ZFP90: variants seen among roughly 807,000 people sequenced by gnomAD.
The protein encoded by ZFP90 is zinc finger protein 90 homolog.
Under a neutral mutation model 60.8 loss-of-function variants are expected in ZFP90, and 38 were observed. The observed-to-expected ratio is 0.62, with a 90% CI of 0.48 to 0.82. ZFP90 has a LOEUF of 0.82. ZFP90 is among the 40% of genes least tolerant of loss of function. ZFP90 has a pLI of 0.00. For missense variants in ZFP90, 711 were observed against 759.1 expected, an observed-to-expected ratio of 0.94 and a Z score of 0.74; for synonymous variants, 287 against 264.8, an observed-to-expected ratio of 1.08 and a Z score of -0.82.
upstream of ZFP90, among the ~76,000 whole-genome samples, chr16:68,534,503 C>T (rs1467309482): frequency 6.6e-6 from 1 of 151,006 alleles, no homozygotes; most frequent in East Asian, 2.0e-4. Context: ...GCTAGGATTA[C>T]AGGCGTGAGC....
In ZFP90 at chr16:68,564,704, G is replaced by A. The variant is rs377716008; in HGVS notation, c.*6G>A. 12 of 1,583,872 alleles carry A rather than the reference G, an allele frequency of 7.6e-6. No homozygotes were observed. Among genetic ancestry groups the A allele is most frequent in the South Asian group, 3.5e-5 (3 of 85,580 alleles). On this transcript the variant is annotated 3_prime_UTR_variant, in exon 5 of 5. Coordinates refer to ENST00000563169, the MANE Select transcript of ZFP90 (RefSeq NM_001305203.2). ...ATACTCGAAATAAACTCTAGGAACC[G>A]TGAAATTAAGGAATTTGCAGAATGC...
At chr16:68,551,521 A>C (rs1281330644) in intron 2 of ZFP90, among the ~76,000 whole-genome samples, 1 of 148,242 alleles carries the variant, frequency 6.7e-6, no homozygotes, top group Non-Finnish European at 1.5e-5. Flanking sequence ...TCCTGGGTTC[A>C]AGCAATTCTC....
At chr16:68,538,952 GAAGT>G (rs577423049), upstream of ZFP90, among the ~76,000 whole-genome samples, 284 of 152,336 alleles carry the variant, frequency 1.9e-3, no homozygotes, top group African/African-American at 6.7e-3. Flanking sequence ...TCTTACCGCT[GAAGT>G]CAGGACCTGA....
downstream of ZFP90, among the ~76,000 whole-genome samples, chr16:68,568,028 ACT>A (rs1180177975): frequency 2.0e-5 from 3 of 151,794 alleles, no homozygotes; most frequent in Non-Finnish European, 2.9e-5. Context: ...GGTTTTGCTG[ACT>A]CTCCTATTTC....
At chr16:68,536,014 C>T (rs2090957987), upstream of ZFP90, among the ~76,000 whole-genome samples, 1 of 152,166 alleles carries the variant, frequency 6.6e-6, no homozygotes, top group East Asian at 1.9e-4. Flanking sequence ...CCAGTTAATT[C>T]CATAGCCTCT....
At position 68,567,007 on chromosome 16, in the gene ZFP90, GAA is replaced by G; in HGVS notation, c.*2310_*2311del. The G allele has an allele frequency of 1.0e-6, 1 of 985,618 alleles. No individual in the cohort carries two copies. Among genetic ancestry groups the G allele is most frequent in the Non-Finnish European group, 1.2e-6 (1 of 829,962 alleles). 61.1% of individuals were successfully genotyped at this position (985,618 alleles called of 1,614,324 possible). ...GGACATATGTGTGGCTCATTGACCA[GAA>G]GGCTTTCTTAGTCCCAACAGCCATG... On this transcript the variant is annotated 3_prime_UTR_variant, in exon 5 of 5. Coordinates refer to ENST00000563169, the MANE Select transcript of ZFP90 (RefSeq NM_001305203.2).
At chr16:68,534,220 A>ATTTTT (rs369277075) in intron 2 of ZFP90, among the ~76,000 whole-genome samples, 2 of 47,312 alleles carry the variant, frequency 4.2e-5, no homozygotes, top group African/African-American at 8.3e-5. Context: ...TAACTTAAAG[A>ATTTTT]TTTTCTTTCT....
chr16:68,564,140 T>C lies in ZFP90; in HGVS notation c.1353T>C (p.His451=). Residue 451 remains histidine, a synonymous_variant, in exon 5 of 5, where the codon CAT becomes CAC. Coordinates refer to ENST00000563169, the MANE Select transcript of ZFP90 (RefSeq NM_001305203.2). The stretch of plus-strand genomic sequence containing the variant: ...CTCTTACCGAAGTGAAATCCTACCA[T>C]TGTAATGACTGTGGGGAAGACTTTA... ...ESTLTEVKSY[H]CNDCGEDFSH... 6.2e-7 allele frequency: 1 copy of C among 1,614,166 alleles called. No individual in the cohort carries two copies.
At chr16:68,549,033 C>T (rs2091206669) in intron 2 of ZFP90, among the ~76,000 whole-genome samples, 1 of 152,102 alleles carries the variant, frequency 6.6e-6, no homozygotes, top group Admixed American at 6.6e-5. Flanking sequence ...ATTCTGTATC[C>T]ATTCACTCAG....
In ZFP90 at chr16:68,563,539, A is replaced by G. The variant is rs752887894; in HGVS notation, c.752A>G (p.Lys251Arg). ...ACAGATCAAGGAATTTATCCTGGAA[A>G]GAAACACCATGAATGTACCGACTGT... is the stretch of plus-strand genomic sequence containing the variant. ...NGTDQGIYPG[K>R]KHHECTDCGK... The change falls in exon 5 of 5, where the codon AAG (lysine) becomes AGG (arginine). Residue 251 changes from lysine (K) to arginine (R), a missense_variant. Coordinates refer to ENST00000563169, the MANE Select transcript of ZFP90 (RefSeq NM_001305203.2). 3 of 1,614,250 alleles carry G rather than the reference A, an allele frequency of 1.9e-6. No homozygotes were observed. Among genetic ancestry groups the G allele is most frequent in the South Asian group, 1.1e-5 (1 of 91,088 alleles).
chr16:68,547,896 C>G (rs2091179803), intron 2 of ZFP90, among the ~76,000 whole-genome samples: 1 of 150,548 alleles, frequency 6.6e-6, no homozygotes, highest in Non-Finnish European at 1.5e-5. Context: ...AGGGCAATCT[C>G]AGCTCACTGC....
chr16:68,570,036 ATG>A (rs777477955), downstream of ZFP90, among the ~76,000 whole-genome samples: 1 of 101,026 alleles, frequency 9.9e-6, no homozygotes, highest in African/African-American at 4.2e-5. Context: ...CTCAAATTAT[ATG>A]TGTGTGTGTA....
chr16:68,564,831 C>A lies in ZFP90; in HGVS notation c.*133C>A. ...ATACGTTGTGTGTGGAGAAAACTGC[C>A]AGTAGACAGATTTTTTTTTTTTAAC... On this transcript the variant is annotated 3_prime_UTR_variant, in exon 5 of 5. Transcript: ENST00000563169. 7.3e-7 allele frequency: 1 copy of A among 1,363,204 alleles called. No homozygotes were observed. Among genetic ancestry groups the A allele is most frequent in the Non-Finnish European group, 9.4e-7 (1 of 1,068,402 alleles). The allele number at this position is 1,363,204 out of a possible 1,614,324, so 84.4% of individuals were successfully genotyped here.
intron 2 of ZFP90, among the ~76,000 whole-genome samples, chr16:68,549,678 CAAAAAAAAAAA>C (rs35335958): frequency 7.9e-5 from 5 of 62,926 alleles, no homozygotes; most frequent in African/African-American, 3.8e-4. Flanking sequence ...GACTCCATCT[CAAAAAAAAAAA>C]AAAAAAAAAG....
downstream of ZFP90, among the ~76,000 whole-genome samples, chr16:68,569,171 CTG>C (rs1354737364): frequency 2.4e-4 from 33 of 137,658 alleles, no homozygotes; most frequent in South Asian, 7.3e-3. Context: ...GAGTCTCACT[CTG>C]TCACCCAAGC....
In ZFP90 at chr16:68,563,490, G is replaced by A. The variant is rs1365899274; in HGVS notation, c.703G>A (p.Gly235Arg). 1.9e-6 allele frequency: 3 copies of A among 1,614,078 alleles called. No individual in the cohort carries two copies. Among genetic ancestry groups the A allele is most frequent in the Non-Finnish European group, 2.5e-6 (3 of 1,180,038 alleles). The part of the protein sequence containing the change: ...SLTKHEKTHK[G>R]EGAFPNGTDQ... ...TACTAAACATGAGAAAACACATAAA[G>A]GAGAGGGAGCTTTCCCTAATGGAAC... Residue 235 changes from glycine (G) to arginine (R), a missense_variant, in exon 5 of 5, where the codon GGA (glycine) becomes AGA (arginine). Gly to Arg is a moderately radical substitution (Grantham distance 125). Transcript: ENST00000563169.
chr16:68,554,161 G>T (rs1479363765), intron 2 of ZFP90, among the ~76,000 whole-genome samples: 1 of 148,768 alleles, frequency 6.7e-6, no homozygotes, highest in Non-Finnish European at 1.5e-5. Context: ...TCGCTCTGTT[G>T]CCCCGGCTGG....
At chr16:68,558,182 C>CTA (rs1194362329) in intron 3 of ZFP90, 58 bp downstream of exon 3, 1 of 1,599,798 alleles carries the variant, frequency 6.3e-7, no homozygotes, top group Non-Finnish European at 8.5e-7. Flanking sequence ...TCCTTGGTTG[C>CTA]TATAGTGGTG....
Position 68,566,088 on chromosome 16 carries a change from A to G in ZFP90, c.*1390A>G. ...GCAGAGACTGCAGTGAGCTGAGATCACACTACTGCATTCCAGCCTGAGCAA... is the reference window on the plus strand; with the variant it reads ...GCAGAGACTGCAGTGAGCTGAGATCGCACTACTGCATTCCAGCCTGAGCAA... On this transcript the variant is annotated 3_prime_UTR_variant, in exon 5 of 5. Transcript: ENST00000563169. 1.0e-6 allele frequency: 1 copy of G among 977,114 alleles called. No homozygotes were observed. Among genetic ancestry groups the G allele is most frequent in the African/African-American group, 1.8e-5 (1 of 57,086 alleles). The allele number at this position is 977,114 out of a possible 1,614,324, so 60.5% of individuals were successfully genotyped here.
Sources: allele counts gnomAD v4.1 joint callset (sites outside exome capture counted in the v4.1 genomes callset), GRCh38; gene constraint gnomAD v4.1.1; transcripts MANE v1.5; gene names NCBI Gene and HGNC (gene_info 2026-07-23, HGNC 2026-07-21).